YY1AP1: variants seen among roughly 807,000 people sequenced by gnomAD.
The protein encoded by YY1AP1 is YY1 associated protein 1.
In YY1AP1, 43 loss-of-function variants were observed where a neutral mutation model predicts 39.9. The observed-to-expected ratio is 1.08, with a 90% CI of 0.84 to 1.39. The LOEUF is 1.39. Ranked by LOEUF, YY1AP1 falls within the 40% of genes most tolerant of loss-of-function variation. YY1AP1 has a pLI of 0.00. For synonymous variants in YY1AP1, 292 were observed against 331.3 expected (o/e 0.88, Z 1.29); for missense variants, 813 against 900.7 (o/e 0.90, Z 1.25).
In YY1AP1 at chr1:155,660,307, C is replaced by G; in HGVS notation, c.1603G>C (p.Gly535Arg). The G allele has an allele frequency of 1.2e-6, 2 of 1,614,124 alleles. No individual in the cohort carries two copies. The highest frequency in any genetic ancestry group is 1.7e-6 in the Non-Finnish European group (2 of 1,180,014). The stretch of plus-strand genomic sequence containing the variant: ...TTGATACAGCGAAAGGCCCTGGCTC[C>G]CCTTCTTTTTGAGGGTCTCCGTCTC... ...YVRRRPSKRR[G>R]ARAFRCIKPA... The change falls in exon 11 of 11, where the codon GGA becomes CGA. Residue 535 changes from glycine (G) to arginine (R), a missense_variant. Physicochemically the swap from Gly to Arg is moderately radical, Grantham distance 125. Coordinates refer to ENST00000355499, the MANE Select transcript of YY1AP1 (RefSeq NM_139119.3).
Position 155,672,558 on chromosome 1 carries a change from A to G in YY1AP1, c.583+2T>C. On this transcript the variant is annotated splice_donor_variant, in intron 7 of 10. Transcript: ENST00000355499. LOFTEE classifies it high-confidence loss of function. ...CTTAAAGCTGACACATCTGTCTCCT[A>G]CCAGTCTTCTTGACAGTTTTATGAG... 1.2e-6 allele frequency: 2 copies of G among 1,608,296 alleles called. No individual in the cohort carries two copies. The highest frequency in any genetic ancestry group is 8.5e-7 in the Non-Finnish European group (1 of 1,175,558).
In YY1AP1 at chr1:155,659,646, A is replaced by G; in HGVS notation, c.*11T>C. The G allele has an allele frequency of 6.2e-7, 1 of 1,613,960 alleles. No homozygotes were observed. Among genetic ancestry groups the G allele is most frequent in the Non-Finnish European group, 8.5e-7 (1 of 1,179,934 alleles). ...GAAGGCTCCCAGTCTCCAGACTCTT[A>G]TTCTCCTAGCTCAAAGAAATCCACT... On this transcript the variant is annotated 3_prime_UTR_variant, in exon 11 of 11. Transcript: ENST00000355499.
intron 10 of YY1AP1, 158 bp downstream of exon 10, chr1:155,661,149 G>C (rs1648035568): frequency 6.4e-7 from 1 of 1,566,482 alleles, no homozygotes; most frequent in South Asian, 1.2e-5. Flanking sequence ...ATCACCCGGA[G>C]AAGGGCAGAA....
chr1:155,661,614 C>T (rs1648164601), intron 9 of YY1AP1, among the ~76,000 whole-genome samples, 191 bp from the exon 10 acceptor site: 1 of 152,006 alleles, frequency 6.6e-6, no homozygotes, highest in African/African-American at 2.4e-5. Context: ...AATACTTGTA[C>T]ATTTCAAATT....
At chr1:155,686,256 C>G (rs538951081) in intron 2 of YY1AP1, among the ~76,000 whole-genome samples, 1 of 151,596 alleles carries the variant, frequency 6.6e-6, no homozygotes, top group East Asian at 1.9e-4. Flanking sequence ...AGGATAGTCT[C>G]GATCTCCTGA....
chr1:155,684,570 CT>C (rs539654881), intron 2 of YY1AP1, among the ~76,000 whole-genome samples: 3,002 of 137,100 alleles, frequency 0.022, 65 homozygotes, highest in African/African-American at 0.068. Flanking sequence ...ACATTTCTTG[CT>C]TTTTTTTTTT....
chr1:155,685,976 C>T (rs1652163420), intron 2 of YY1AP1, among the ~76,000 whole-genome samples: 1 of 150,586 alleles, frequency 6.6e-6, no homozygotes, highest in Non-Finnish European at 1.5e-5. Context: ...TGCATTCTTA[C>T]CTCATATTCA....
At chr1:155,682,721 A>G (rs1271018269) in intron 2 of YY1AP1, among the ~76,000 whole-genome samples, 6 of 152,170 alleles carry the variant, frequency 3.9e-5, no homozygotes, top group African/African-American at 4.8e-5. Flanking sequence ...CAAACTATCC[A>G]ATGGAATTCC....
At position 155,670,627 on chromosome 1, in the gene YY1AP1, C is replaced by T. The variant is rs1649708372; in HGVS notation, c.584-163G>A. On this transcript the variant is annotated intron_variant, in intron 7 of 10. Transcript: ENST00000355499. ...AAGAGTTTCCACAGTCTTTCCTCAA[C>T]TAACATTAGGTCTAAAGGGAGTCCC... 7.5e-6 allele frequency: 5 copies of T among 670,844 alleles called. No individual in the cohort carries two copies. In the South Asian group the frequency reaches 9.6e-5, roughly 13 times the overall value. The allele number at this position is 670,844 out of a possible 1,614,324, so 41.6% of individuals were successfully genotyped here. A position where few individuals can be genotyped will look rare whatever the true frequency, so the allele number is the denominator to read the frequency against.
chr1:155,688,704 TC>T lies in YY1AP1; in HGVS notation c.-198del, dbSNP rs1255308078. On this transcript the variant is annotated 5_prime_UTR_variant, in exon 1 of 11. Coordinates refer to ENST00000355499, the MANE Select transcript of YY1AP1 (RefSeq NM_139119.3). Reference sequence around the variant, plus strand: ...GCCTTCTCCACCTCCTCTTCTCTCCTCCCCCTCCCTCCCCGCCCGCACGGCC... The same window carrying T: ...GCCTTCTCCACCTCCTCTTCTCTCCTCCCCTCCCTCCCCGCCCGCACGGCC... 8 of 1,517,122 alleles carry T rather than the reference TC, an allele frequency of 5.3e-6. No homozygotes were observed. Among genetic ancestry groups the T allele is most frequent in the Non-Finnish European group, 7.0e-6 (8 of 1,139,998 alleles). 94.0% of individuals were successfully genotyped at this position (1,517,122 alleles called of 1,614,324 possible). A position where few individuals can be genotyped will look rare whatever the true frequency, so the allele number is the denominator to read the frequency against.
intron 6 of YY1AP1, 57 bp downstream of exon 6, chr1:155,674,953 C>T: frequency 6.7e-7 from 1 of 1,487,070 alleles, no homozygotes; most frequent in African/African-American, 1.4e-5. Flanking sequence ...TGAGAAATAA[C>T]CTGCCAAGCT....
chr1:155,663,696 G>C (rs1253528255), intron 9 of YY1AP1, among the ~76,000 whole-genome samples: 1 of 152,104 alleles, frequency 6.6e-6, no homozygotes, highest in East Asian at 1.9e-4. Context: ...TCCAGCCTGG[G>C]CAATGGAGCG....
chr1:155,680,444 T>A lies in YY1AP1; in HGVS notation c.-8A>T. ...TTCAAACAGATCTTCCATCAGCTCA[T>A]TTGCTTCCTTTTCTGCAAAAAAGCC... On this transcript the variant is annotated 5_prime_UTR_variant, in exon 3 of 11. An upstream start codon of the reference 5' UTR is lost. Transcript: ENST00000355499. 6.2e-7 allele frequency: 1 copy of A among 1,613,564 alleles called. No homozygotes were observed. The highest frequency in any genetic ancestry group is 8.5e-7 in the Non-Finnish European group (1 of 1,179,626).
In YY1AP1 at chr1:155,688,132, G is replaced by T; in HGVS notation, c.-82C>A. 1 of 1,612,680 alleles carries T rather than the reference G, an allele frequency of 6.2e-7. No individual in the cohort carries two copies. The highest frequency in any genetic ancestry group is 8.5e-7 in the Non-Finnish European group (1 of 1,179,012). ...GTGAGGAAGAGGGGGTGGCCGCCAG[G>T]CTCCTCCGCTTCCCTGGGTCCACCG... On this transcript the variant is annotated 5_prime_UTR_variant, in exon 2 of 11. Transcript: ENST00000355499.
intron 10 of YY1AP1, 82 bp from the exon 11 acceptor site, chr1:155,660,995 A>G (rs996750700): frequency 6.2e-7 from 1 of 1,604,328 alleles, no homozygotes; most frequent in Non-Finnish European, 8.5e-7. Context: ...TAGGGACCTG[A>G]GACAAGCTCA....
intron 3 of YY1AP1, chr1:155,679,865 C>T (rs1651265555): frequency 1.0e-6 from 1 of 998,320 alleles, no homozygotes; most frequent in African/African-American, 1.7e-5. Flanking sequence ...TTTAAGGACA[C>T]ACCAAATGAC....
intron 9 of YY1AP1, among the ~76,000 whole-genome samples, chr1:155,663,202 C>A (rs1413938189): frequency 6.6e-6 from 1 of 151,806 alleles, no homozygotes; most frequent in Non-Finnish European, 1.5e-5. Flanking sequence ...GAAACCCCAT[C>A]TCTACTAAAA....
chr1:155,661,737 G>A (rs1648190033), intron 9 of YY1AP1, among the ~76,000 whole-genome samples: 1 of 152,140 alleles, frequency 6.6e-6, no homozygotes, highest in Non-Finnish European at 1.5e-5. Context: ...CTCACTGCAA[G>A]CTCCACCTCC....
At chr1:155,669,843 C>G (rs887720779) in intron 8 of YY1AP1, among the ~76,000 whole-genome samples, 7 of 152,050 alleles carry the variant, frequency 4.6e-5, no homozygotes, top group Non-Finnish European at 1.5e-5. Flanking sequence ...GCCTGGGCAA[C>G]ACAGAGATAC....
Sources: allele counts gnomAD v4.1 joint callset (sites outside exome capture counted in the v4.1 genomes callset), GRCh38; gene constraint gnomAD v4.1.1; transcripts MANE v1.5; gene names NCBI Gene and HGNC (gene_info 2026-07-23, HGNC 2026-07-21).